TRMT11: variants seen among roughly 807,000 people sequenced by gnomAD.
The protein encoded by TRMT11 is tRNA (guanine(10)-N(2))-methyltransferase TRMT11.
A neutral mutation model predicts 62.8 loss-of-function variants in TRMT11; 53 were observed. The observed-to-expected ratio is 0.84, with a 90% CI of 0.68 to 1.06. TRMT11 has a LOEUF of 1.06. Ranked by LOEUF, TRMT11 falls within the 50% of genes least tolerant of loss-of-function variation. The pLI, the probability that TRMT11 is intolerant of heterozygous loss-of-function variation, is 0.00. For missense variants in TRMT11, 556 were observed against 553.4 expected, an observed-to-expected ratio of 1.00 and a Z score of -0.05; for synonymous variants, 188 against 190.3, an observed-to-expected ratio of 0.99 and a Z score of 0.10.
At chr6:126,048,970 C>A (rs1240724600) in intron 16 of TRMT11, among the ~76,000 whole-genome samples, 1 of 152,224 alleles carries the variant, frequency 6.6e-6, no homozygotes, top group African/African-American at 2.4e-5. Flanking sequence ...GTTTGGCTTT[C>A]TGGACCATTT....
rs758951580 is a variant in TRMT11, at chr6:126,013,159, G to C, written c.1139+58G>C. 100 of 1,490,662 alleles carry C rather than the reference G, an allele frequency of 6.7e-5. 1 individual carries two copies. The highest frequency in any genetic ancestry group is 8.5e-5 in the Non-Finnish European group (93 of 1,096,598). The allele number at this position is 1,490,662 out of a possible 1,614,324, so 92.3% of individuals were successfully genotyped here. ...TTTTCTTACAATGTTTGCGTATCTAGTATAATTTTCTCTTTATCTCTTCTT... is the reference window on the plus strand; with the variant it reads ...TTTTCTTACAATGTTTGCGTATCTACTATAATTTTCTCTTTATCTCTTCTT... On this transcript the variant is annotated intron_variant, in intron 11 of 12. Transcript: ENST00000334379.
In TRMT11 at chr6:126,133,331, T is replaced by C. The variant is rs190290400; in HGVS notation, c.*1823+17476T>C. 1.9e-4 allele frequency among the ~76,000 whole-genome samples: 29 copies of C among 152,132 alleles called. No homozygotes were observed. The East Asian group carries it at 5.2e-3, about 27-fold the overall frequency. On this transcript the variant is annotated intron_variant and NMD_transcript_variant, in intron 21 of 22. Transcript: ENST00000648977. ...TCCCAAAATACCATCTTTAGTGTAA[T>C]GGATAAAAGCAAGGTTAAAAAAATA...
At chr6:126,075,122 A>G (rs1776980845) in intron 17 of TRMT11, among the ~76,000 whole-genome samples, 1 of 152,156 alleles carries the variant, frequency 6.6e-6, no homozygotes, top group South Asian at 2.1e-4. Flanking sequence ...TGTAAGAAAA[A>G]CACATATTGT....
At chr6:126,029,551 T>A (rs1314652978) in intron 12 of TRMT11, among the ~76,000 whole-genome samples, 1 of 152,198 alleles carries the variant, frequency 6.6e-6, no homozygotes, top group Non-Finnish European at 1.5e-5. Context: ...TTTTATTAAT[T>A]ATCCTTTTAA....
At chr6:126,243,344 A>C in the TRMT11 span, among the ~76,000 whole-genome samples, 2 of 152,192 alleles carry the variant, frequency 1.3e-5, no homozygotes, top group African/African-American at 4.8e-5. Context: ...GTGGGACTGT[A>C]AACTAGTTCA....
chr6:126,000,714 C>T (rs1010881024), intron 7 of TRMT11, among the ~76,000 whole-genome samples: 4 of 152,180 alleles, frequency 2.6e-5, no homozygotes, highest in African/African-American at 7.2e-5. Context: ...GTATCAAGGT[C>T]AATAAATTTC....
At chr6:126,185,810 C>T (rs544142251) in intron 1 of TRMT11, among the ~76,000 whole-genome samples, 19 of 152,242 alleles carry the variant, frequency 1.2e-4, no homozygotes, top group African/African-American at 3.4e-4. Context: ...TGGTGGAAGG[C>T]ACCTCTTCAC....
At chr6:126,178,670 C>T (rs915284707) in intron 1 of TRMT11, among the ~76,000 whole-genome samples, 6 of 152,122 alleles carry the variant, frequency 3.9e-5, no homozygotes, top group Non-Finnish European at 5.9e-5. Context: ...TCCTTAGGGT[C>T]ACCATGTAGA....
At chr6:126,177,340 A>G (rs1055741553) in intron 1 of TRMT11, 2 of 152,142 alleles carry the variant, frequency 1.3e-5, no homozygotes, top group Non-Finnish European at 2.9e-5. Context: ...ATGCAGGTAT[A>G]TAGTATATAG....
intron 1 of TRMT11, among the ~76,000 whole-genome samples, chr6:125,990,468 C>T (rs1052245603): frequency 3.9e-5 from 6 of 152,116 alleles, no homozygotes; most frequent in Admixed American, 1.3e-4. Context: ...TTTTCCCTTT[C>T]TATCGGGCAC....
intron 21 of TRMT11, among the ~76,000 whole-genome samples, chr6:126,151,737 ATCCTTCCTTCCCTTTCCT>A (rs144494523): frequency 0.079 from 6,566 of 82,952 alleles, 531 homozygotes; most frequent in African/African-American, 0.25. Flanking sequence ...CCTCCCTTCC[ATCCTTCCTTCCCTTTCCT>A]TCCTTCCTTC....
At chr6:126,182,409 G>C (rs1778477714) in intron 1 of TRMT11, among the ~76,000 whole-genome samples, 1 of 150,150 alleles carries the variant, frequency 6.7e-6, no homozygotes, top group Non-Finnish European at 1.5e-5. Context: ...TCTTCAAGAG[G>C]ATTTGGACTT....
chr6:126,150,602 A>G (rs1778027614), intron 21 of TRMT11, among the ~76,000 whole-genome samples: 1 of 152,188 alleles, frequency 6.6e-6, no homozygotes, highest in African/African-American at 2.4e-5. Context: ...TTTCTCTATC[A>G]TCTATGAAGC....
chr6:126,145,045 C>T (rs1777959121), intron 21 of TRMT11, among the ~76,000 whole-genome samples: 1 of 152,038 alleles, frequency 6.6e-6, no homozygotes. Context: ...TCTCTATGGT[C>T]CTAGACATTA....
intron 11 of TRMT11, among the ~76,000 whole-genome samples, chr6:126,017,752 A>T (rs1407154400): frequency 6.6e-6 from 1 of 152,180 alleles, no homozygotes; most frequent in Non-Finnish European, 1.5e-5. Flanking sequence ...GCTTATAGAG[A>T]CTTAACACAT....
chr6:126,197,730 G>A (rs933208708), intron 1 of TRMT11, among the ~76,000 whole-genome samples: 1 of 152,156 alleles, frequency 6.6e-6, no homozygotes, highest in African/African-American at 2.4e-5. Flanking sequence ...AGATAGGAAT[G>A]CAATAAGGAC....
intron 5 of TRMT11, 98 bp from the exon 6 acceptor site, chr6:125,998,452 A>G: frequency 7.3e-7 from 1 of 1,369,598 alleles, no homozygotes; most frequent in Non-Finnish European, 1.0e-6. Flanking sequence ...TGTTTTATTT[A>G]ATGTTGACTC....
chr6:126,239,826 C>T, the TRMT11 span, among the ~76,000 whole-genome samples: 1 of 152,212 alleles, frequency 6.6e-6, no homozygotes, highest in South Asian at 2.1e-4. Context: ...TCCATTCTCC[C>T]TGTCACTTTC....
intron 17 of TRMT11, among the ~76,000 whole-genome samples, chr6:126,094,376 A>G (rs971132116): frequency 6.6e-5 from 10 of 152,170 alleles, no homozygotes; most frequent in African/African-American, 2.4e-4. Flanking sequence ...AATTGCTACA[A>G]TGTCACATGG....
Sources: allele counts gnomAD v4.1 joint callset (sites outside exome capture counted in the v4.1 genomes callset), GRCh38; gene constraint gnomAD v4.1.1; transcripts MANE v1.5; gene names NCBI Gene and HGNC (gene_info 2026-07-23, HGNC 2026-07-21).